Variants in CREBRF observed in about 807,000 individuals in gnomAD.
CREBRF encodes the protein UPF0474 protein C5orf41.
A neutral mutation model predicts 66.1 loss-of-function variants in CREBRF; 5 were observed. That is an observed-to-expected ratio of 0.08 (90% CI 0.04 to 0.16). The LOEUF (loss-of-function observed/expected upper bound fraction) is 0.16. CREBRF is among the 10% of genes least tolerant of loss of function. The pLI is 1.00. For synonymous variants in CREBRF, 229 were observed against 264.4 expected (o/e 0.87, Z 1.30); for missense variants, 531 against 744.9 (o/e 0.71, Z 3.34).
In CREBRF at chr5:173,091,240, C is replaced by G; in HGVS notation, c.1061C>G (p.Pro354Arg). The stretch of plus-strand genomic sequence containing the variant: ...GGTGAACAGCCAACTAAATGCAGTC[C>G]TGAAGAAGATGAGGAGGACGAGGAG... ...NLGEQPTKCS[P>R]EEDEEDEEDV... is the part of the protein sequence containing the mutation. Residue 354 changes from proline to arginine, a missense_variant, in exon 4 of 9, where the codon CCT (proline) becomes CGT (arginine). Around this residue, in one of 5 missense-constraint regions of CREBRF, gnomAD observed 309 missense variants for 341.4 expected, o/e 0.90. Coordinates refer to ENST00000296953, the MANE Select transcript of CREBRF (RefSeq NM_153607.3). 2 of 1,614,000 alleles carry G rather than the reference C, an allele frequency of 1.2e-6. No individual in the cohort carries two copies. Among genetic ancestry groups the G allele is most frequent in the Non-Finnish European group, 1.7e-6 (2 of 1,180,002 alleles).
chr5:173,064,666 G>A (rs1757380533), intron 1 of CREBRF, among the ~76,000 whole-genome samples: 1 of 150,894 alleles, frequency 6.6e-6, no homozygotes, highest in Non-Finnish European at 1.5e-5. Context: ...CCGGGTTCAA[G>A]CGATTCTCCT....
chr5:173,093,913 C>G (rs1260177088), intron 4 of CREBRF, among the ~76,000 whole-genome samples: 1 of 152,164 alleles, frequency 6.6e-6, no homozygotes, highest in African/African-American at 2.4e-5. Context: ...CCAACATCTT[C>G]CCATTTCCCC....
intron 2 of CREBRF, among the ~76,000 whole-genome samples, chr5:173,082,203 C>T (rs533326246): frequency 1.1e-4 from 16 of 151,646 alleles, no homozygotes; most frequent in Admixed American, 9.9e-4. Flanking sequence ...TTAGTGGAGA[C>T]GGGGTTTCAC....
At chr5:173,084,526 T>G (rs1201271723) in intron 2 of CREBRF, among the ~76,000 whole-genome samples, 1 of 152,148 alleles carries the variant, frequency 6.6e-6, no homozygotes, top group African/African-American at 2.4e-5. Flanking sequence ...CAAAATTAAC[T>G]AGTACTGGGA....
Position 173,138,456 on chromosome 5 carries a change from C to A in CREBRF, c.*4711C>A, listed in dbSNP as rs1163949382. ...CTAGGAACTGAGCTAGGCCAAATTG[C>A]CATTTTTGTTTAGAGAGTTTTGGAG... On this transcript the variant is annotated 3_prime_UTR_variant, in exon 9 of 9. Transcript: ENST00000296953. 1 of 151,998 alleles carries A rather than the reference C, an allele frequency of 6.6e-6. No individual in the cohort carries two copies. The highest frequency in any genetic ancestry group is 1.5e-5 in the Non-Finnish European group (1 of 67,978). The allele number at this position is 151,998 out of a possible 1,614,324, so 9.4% of individuals were successfully genotyped here.
intron 8 of CREBRF, among the ~76,000 whole-genome samples, chr5:173,124,883 C>T (rs1759230848): frequency 6.8e-6 from 1 of 146,860 alleles, no homozygotes; most frequent in Admixed American, 6.8e-5. Flanking sequence ...TTTCTCTTTT[C>T]TTCTTCTTTC....
At position 173,139,003 on chromosome 5, in the gene CREBRF, T is replaced by G. The variant is rs1206223692; in HGVS notation, c.*5258T>G. 6.6e-6 allele frequency: 1 copy of G among 152,198 alleles called. No individual in the cohort carries two copies. Among genetic ancestry groups the G allele is most frequent in the Non-Finnish European group, 1.5e-5 (1 of 68,028 alleles). The allele number at this position is 152,198 out of a possible 1,614,324, so 9.4% of individuals were successfully genotyped here. A position where few individuals can be genotyped will look rare whatever the true frequency, so the allele number is the denominator to read the frequency against. ...CTATCATAAATATTCTGTAGTTTTT[T>G]TTTTTTCTCTCCCAACTGGAGCTAT... On this transcript the variant is annotated 3_prime_UTR_variant, in exon 9 of 9. Coordinates refer to ENST00000296953, the MANE Select transcript of CREBRF (RefSeq NM_153607.3).
At chr5:173,110,836 T>C in intron 6 of CREBRF, 125 bp downstream of exon 6, 1 of 659,476 alleles carries the variant, frequency 1.5e-6, no homozygotes. Context: ...ACAATGAGAA[T>C]ATTATAATTT....
chr5:173,120,782 C>T (rs1759122233), intron 7 of CREBRF, among the ~76,000 whole-genome samples: 1 of 150,010 alleles, frequency 6.7e-6, no homozygotes, highest in Non-Finnish European at 1.5e-5. Context: ...TAACCTCCGC[C>T]TCCCAGCTTC....
At chr5:173,056,657 C>T (rs1252135053) in intron 1 of CREBRF, among the ~76,000 whole-genome samples, 178 bp downstream of exon 1, 1 of 151,974 alleles carries the variant, frequency 6.6e-6, no homozygotes, top group East Asian at 1.9e-4. Context: ...CTTGGGCCAC[C>T]GCCTGCAGGT....
chr5:173,131,695 TACACACAC>T (rs67580803), intron 8 of CREBRF, among the ~76,000 whole-genome samples: 2,504 of 149,020 alleles, frequency 0.017, 26 homozygotes, highest in Non-Finnish European at 0.025. Flanking sequence ...TATATATGTA[TACACACAC>T]ACACACACAC....
chr5:173,060,549 A>G (rs566910393), intron 1 of CREBRF: 1 of 152,230 alleles, frequency 6.6e-6, no homozygotes, highest in South Asian at 2.1e-4. Flanking sequence ...TGATTTTGAA[A>G]TGAATTAGCA....
chr5:173,086,304 T>G (rs1561801412), intron 2 of CREBRF, 197 bp from the exon 3 acceptor site: 1 of 642,688 alleles, frequency 1.6e-6, no homozygotes, highest in Non-Finnish European at 2.8e-6. Flanking sequence ...TTTTCTATTT[T>G]TAGGTATTTT....
chr5:173,113,622 A>G lies in CREBRF; in HGVS notation c.1681+1243A>G, dbSNP rs142986155. Among the ~76,000 whole-genome samples, 4 of 152,278 alleles carry G rather than the reference A, an allele frequency of 2.6e-5. No homozygotes were observed. The East Asian group carries it at 7.7e-4, about 29-fold the overall frequency. ...TGCACCCGGGCCCAAGATTATTCTT[A>G]ATGGAACCATTCTAGCACTTATTCA... On this transcript the variant is annotated intron_variant, in intron 7 of 8. Transcript: ENST00000296953.
intron 1 of CREBRF, among the ~76,000 whole-genome samples, chr5:173,071,220 T>G (rs921005781): frequency 6.6e-6 from 1 of 152,122 alleles, no homozygotes. Context: ...TATTTTTGTT[T>G]GTTTGTTTGA....
chr5:173,117,557 T>TCCTCTCTCCCTC lies in CREBRF; in HGVS notation c.1681+5182_1681+5183insTCTCCCTCCCTC, dbSNP rs1554126345. Among the ~76,000 whole-genome samples the TCCTCTCTCCCTC allele has an allele frequency of 3.9e-3, 85 of 21,562 alleles. 1 individual carries two copies. Among genetic ancestry groups the TCCTCTCTCCCTC allele is most frequent in the Non-Finnish European group, 5.6e-3 (58 of 10,422 alleles). The allele number at this position is 21,562 out of a possible 152,430, so 14.1% of individuals were successfully genotyped here. ...CTCCTCTTCCCTTCCCCTCCCCTCT[T>TCCTCTCTCCCTC]CCTCCCTCCCTCCCTCCCTCCCTCC... is the stretch of plus-strand genomic sequence containing the variant. On this transcript the variant is annotated intron_variant, in intron 7 of 8. Coordinates refer to ENST00000296953, the MANE Select transcript of CREBRF (RefSeq NM_153607.3).
intron 7 of CREBRF, among the ~76,000 whole-genome samples, chr5:173,114,085 A>G (rs942650021): frequency 2.6e-5 from 4 of 152,212 alleles, no homozygotes; most frequent in African/African-American, 9.6e-5. Context: ...AGATTTTCTT[A>G]ATCTTTTATC....
chr5:173,106,302 C>T (rs940375526), intron 4 of CREBRF, among the ~76,000 whole-genome samples: 8 of 151,740 alleles, frequency 5.3e-5, no homozygotes, highest in South Asian at 2.1e-4. Flanking sequence ...TGGTGGTGGG[C>T]GCCTGTAGTC....
At chr5:173,131,234 C>G (rs1759416100) in intron 8 of CREBRF, among the ~76,000 whole-genome samples, 1 of 152,206 alleles carries the variant, frequency 6.6e-6, no homozygotes, top group Non-Finnish European at 1.5e-5. Context: ...TCGTAAAAAT[C>G]ATGATTCTTT....
Sources: allele counts gnomAD v4.1 joint callset (sites outside exome capture counted in the v4.1 genomes callset), GRCh38; gene constraint gnomAD v4.1.1; regional missense constraint gnomAD v4.1.1; transcripts MANE v1.5; gene names NCBI Gene and HGNC (gene_info 2026-07-23, HGNC 2026-07-21).